TMEM196: variants seen among roughly 807,000 people sequenced by gnomAD.
TMEM196 encodes the protein transmembrane protein 196.
TMEM196 carries 17 observed loss-of-function variants against 20.0 expected under a neutral mutation model. The ratio of observed to expected loss-of-function variants is 0.85; its 90% CI spans 0.58 to 1.27. TMEM196 has a LOEUF of 1.27. Ranked by LOEUF, TMEM196 falls within the 50% of genes most tolerant of loss-of-function variation. TMEM196 has a pLI of 0.00. For synonymous variants in TMEM196, 113 were observed against 88.9 expected (o/e 1.27, Z -1.52); for missense variants, 267 against 223.0 (o/e 1.20, Z -1.26).
chr7:19,729,978 T>C (rs1784137079), intron 1 of TMEM196, among the ~76,000 whole-genome samples: 1 of 152,120 alleles, frequency 6.6e-6, no homozygotes, highest in African/African-American at 2.4e-5. Flanking sequence ...AGAGATAGGC[T>C]GGGCGCGGTG....
At chr7:19,760,121 G>A (rs1366010411) in intron 1 of TMEM196, among the ~76,000 whole-genome samples, 1 of 151,882 alleles carries the variant, frequency 6.6e-6, no homozygotes, top group Non-Finnish European at 1.5e-5. Flanking sequence ...TCCCCCTCAG[G>A]TCATACTTCA....
intron 1 of TMEM196, among the ~76,000 whole-genome samples, chr7:19,756,511 C>G (rs941944369): frequency 5.3e-5 from 8 of 152,004 alleles, no homozygotes; most frequent in African/African-American, 1.9e-4. Context: ...CTGATCCTCT[C>G]CCTCCTCCCA....
At position 19,772,598 on chromosome 7, in the gene TMEM196, G is replaced by A. The variant is rs1264609331; in HGVS notation, c.99C>T (p.Phe33=). The change falls in exon 1 of 5, where the codon TTC becomes TTT. Residue 33 remains phenylalanine (F), a synonymous_variant. Transcript: ENST00000405844. Reference sequence around the variant, plus strand: ...GCTTGTGCTCTCGGAGGGCCAGGCTGAAGCTGACCGCCCCCACGGCCACGC... The same window carrying A: ...GCTTGTGCTCTCGGAGGGCCAGGCTAAAGCTGACCGCCCCCACGGCCACGC... ...VSSVAVGAVS[F]SLALREHKPQ... The A allele has an allele frequency of 7.8e-6, 12 of 1,546,932 alleles. No homozygotes were observed. The Admixed American group carries it at 2.0e-4, about 25-fold the overall frequency.
rs1036906901 is a variant in TMEM196, at chr7:19,720,712, G to C, written c.*1416C>G. ...AAGGATTGAATCTAGCTATACAAAT[G>C]TTAGCCTATCTTTTCACTTTTTCCT... On this transcript the variant is annotated 3_prime_UTR_variant, in exon 5 of 5. Transcript: ENST00000405844. 4 of 151,852 alleles carry C rather than the reference G, an allele frequency of 2.6e-5. No homozygotes were observed. The highest frequency in any genetic ancestry group is 9.7e-5 in the African/African-American group (4 of 41,412). 9.4% of individuals were successfully genotyped at this position (151,852 alleles called of 1,614,324 possible). A position where few individuals can be genotyped will look rare whatever the true frequency, so the allele number is the denominator to read the frequency against.
intron 1 of TMEM196, among the ~76,000 whole-genome samples, chr7:19,756,010 T>C (rs1446418297): frequency 1.4e-5 from 2 of 147,946 alleles, no homozygotes; most frequent in Admixed American, 6.8e-5. Flanking sequence ...GCCTCCAGCC[T>C]GGACAGCAGA....
chr7:19,736,474 G>T (rs1784413103), intron 1 of TMEM196, among the ~76,000 whole-genome samples: 1 of 145,240 alleles, frequency 6.9e-6, no homozygotes, highest in African/African-American at 2.5e-5. Context: ...TTCAAATTTG[G>T]CTGCATATTA....
rs756555687 is a variant in TMEM196, at chr7:19,722,083, T to C, written c.*45A>G. 1 of 1,610,198 alleles carries C rather than the reference T, an allele frequency of 6.2e-7. No individual in the cohort carries two copies. The highest frequency in any genetic ancestry group is 1.1e-5 in the South Asian group (1 of 90,472). On this transcript the variant is annotated 3_prime_UTR_variant, in exon 5 of 5. Coordinates refer to ENST00000405844, the MANE Select transcript of TMEM196 (RefSeq NM_001363562.2). ...ATTCTTTAAAACATTGATTACACTC[T>C]TCCATTAAATATCAGCTGTGGTCCT...
intron 1 of TMEM196, among the ~76,000 whole-genome samples, chr7:19,769,130 A>G (rs2128040997): frequency 6.6e-6 from 1 of 152,266 alleles, no homozygotes; most frequent in Admixed American, 6.5e-5. Flanking sequence ...GTTTTACAGC[A>G]CTAATCAAAA....
rs555758765 is a variant in TMEM196, at chr7:19,747,180, G to A, written c.148-17742C>T. On this transcript the variant is annotated intron_variant, in intron 1 of 4. Coordinates refer to ENST00000405844, the MANE Select transcript of TMEM196 (RefSeq NM_001363562.2). ...TGAGGCAGGAGAATGGCGTGAACCC[G>A]GGAGGCGGAGCTTGCAGTTAGCCGA... is the stretch of plus-strand genomic sequence containing the variant. Among the ~76,000 whole-genome samples the A allele has an allele frequency of 6.6e-5, 10 of 150,818 alleles. No homozygotes were observed. The East Asian group carries it at 1.8e-3, about 27-fold the overall frequency.
At chr7:19,742,849 A>G (rs1483951270) in intron 1 of TMEM196, among the ~76,000 whole-genome samples, 2 of 152,172 alleles carry the variant, frequency 1.3e-5, no homozygotes, top group Non-Finnish European at 2.9e-5. Context: ...GATGTCTCAC[A>G]TACTCTAAGG....
chr7:19,745,387 C>A (rs1022531482), intron 1 of TMEM196, among the ~76,000 whole-genome samples: 2 of 151,938 alleles, frequency 1.3e-5, no homozygotes, highest in Non-Finnish European at 1.5e-5. Context: ...TTTAATAGAT[C>A]AATTATAAAT....
chr7:19,746,095 T>A (rs1300444868), intron 1 of TMEM196, among the ~76,000 whole-genome samples: 2 of 152,108 alleles, frequency 1.3e-5, no homozygotes, highest in African/African-American at 4.8e-5. Flanking sequence ...CCTGGGAAAT[T>A]GGGGTAGTCT....
intron 1 of TMEM196, among the ~76,000 whole-genome samples, chr7:19,770,273 G>A (rs1785817304): frequency 6.6e-6 from 1 of 152,066 alleles, no homozygotes; most frequent in Non-Finnish European, 1.5e-5. Flanking sequence ...CCTCCACTAT[G>A]GAGTAGTTTT....
In TMEM196 at chr7:19,767,076, T is replaced by C. The variant is rs770393891; in HGVS notation, c.147+5474A>G. On this transcript the variant is annotated intron_variant, in intron 1 of 4. Coordinates refer to ENST00000405844, the MANE Select transcript of TMEM196 (RefSeq NM_001363562.2). ...AGGACAAAGACTTCAAGACCAGTTA[T>C]ACCCTTGAATAAGAACAAAAATCTC... is the stretch of plus-strand genomic sequence containing the variant. 8.3e-4 allele frequency among the ~76,000 whole-genome samples: 127 copies of C among 152,224 alleles called. No individual in the cohort carries two copies. In the Middle Eastern group the frequency reaches 0.017, roughly 20 times the overall value.
intron 1 of TMEM196, among the ~76,000 whole-genome samples, chr7:19,760,352 C>CTTTT (rs55646735): frequency 5.4e-5 from 5 of 92,178 alleles, no homozygotes; most frequent in Admixed American, 1.2e-4. Flanking sequence ...ATATATTTTC[C>CTTTT]TTTTTTTTTT....
intron 1 of TMEM196, among the ~76,000 whole-genome samples, chr7:19,745,668 A>G (rs1784724652): frequency 6.7e-6 from 1 of 149,840 alleles, no homozygotes; most frequent in African/African-American, 2.5e-5. Flanking sequence ...GGAAAATTAA[A>G]GCACGAATCT....
intron 1 of TMEM196, among the ~76,000 whole-genome samples, chr7:19,731,476 A>AGT (rs1481654697): frequency 1.3e-5 from 2 of 152,168 alleles, no homozygotes; most frequent in Non-Finnish European, 2.9e-5. Context: ...TGTACCTTTC[A>AGT]GTGCTTCAAG....
intron 1 of TMEM196, among the ~76,000 whole-genome samples, chr7:19,761,707 G>A (rs905565499): frequency 6.6e-6 from 1 of 152,138 alleles, no homozygotes; most frequent in Admixed American, 6.5e-5. Flanking sequence ...CCTTTTCAGA[G>A]ACTAAAGTAA....
At chr7:19,744,653 G>A (rs1339262268) in intron 1 of TMEM196, among the ~76,000 whole-genome samples, 1 of 152,100 alleles carries the variant, frequency 6.6e-6, no homozygotes. Flanking sequence ...GATATCTAAC[G>A]ATGAAATTTA....
Sources: gnomAD v4.1 joint callset for allele counts (sites outside exome capture counted in the v4.1 genomes callset) on GRCh38, gnomAD v4.1.1 for gene constraint, MANE v1.5 for transcripts, NCBI Gene and HGNC (gene_info 2026-07-23, HGNC 2026-07-21) for gene names.